The following CADPS variants were observed in gnomAD, a reference collection of about 807,000 sequenced individuals.
CADPS encodes the protein calcium-dependent secretion activator 1.
In CADPS, 57 loss-of-function variants were observed where a neutral mutation model predicts 167.3. The ratio of observed to expected loss-of-function variants is 0.34; its 90% confidence interval spans 0.28 to 0.42. The LOEUF is 0.42. CADPS is among the 20% of genes least tolerant of loss of function. The pLI, the probability that CADPS is intolerant of heterozygous loss-of-function variation, is 1.00. For missense variants in CADPS, 1,414 were observed against 1,738.1 expected (o/e 0.81, Z 3.32); for synonymous variants, 676 against 635.3 (o/e 1.06, Z -0.96).
At chr3:62,660,971 C>T (rs575052189) in intron 4 of CADPS, among the ~76,000 whole-genome samples, 1 of 152,288 alleles carries the variant, frequency 6.6e-6, no homozygotes, top group South Asian at 2.1e-4. Flanking sequence ...ACCTGGACTT[C>T]CCCATCTCTA....
chr3:62,853,298 C>T (rs572741826), intron 1 of CADPS, among the ~76,000 whole-genome samples: 1 of 152,172 alleles, frequency 6.6e-6, no homozygotes, highest in East Asian at 1.9e-4. Context: ...GTCTTTATGG[C>T]CTATGGTCAA....
At chr3:62,868,839 A>G (rs985464173) in intron 1 of CADPS, among the ~76,000 whole-genome samples, 4 of 152,152 alleles carry the variant, frequency 2.6e-5, no homozygotes, top group Non-Finnish European at 4.4e-5. Context: ...AGAAAGAACT[A>G]TCAACTCCTA....
At chr3:62,524,873 C>T (rs1442077035) in intron 13 of CADPS, among the ~76,000 whole-genome samples, 1 of 152,122 alleles carries the variant, frequency 6.6e-6, no homozygotes, top group Non-Finnish European at 1.5e-5. Flanking sequence ...AAAATTGGCA[C>T]TGCATAGATT....
At chr3:62,486,360 G>A (rs372555284) in intron 21 of CADPS, among the ~76,000 whole-genome samples, 4 of 147,916 alleles carry the variant, frequency 2.7e-5, no homozygotes, top group East Asian at 2.0e-4. Flanking sequence ...CAGGAGAATC[G>A]CTTGAACCCA....
chr3:62,806,361 TAAAAAAAA>T (rs11328861), intron 1 of CADPS, among the ~76,000 whole-genome samples: 1 of 138,030 alleles, frequency 7.2e-6, no homozygotes, highest in Non-Finnish European at 1.5e-5. Context: ...CGTCTTTAGT[TAAAAAAAA>T]AAAAAAAAAA....
chr3:62,744,987 A>G (rs552807), intron 3 of CADPS, among the ~76,000 whole-genome samples: 73,845 of 152,152 alleles, frequency 0.49, 19,655 homozygotes, highest in African/African-American at 0.7. Context: ...TCAGAAAATT[A>G]TGGCTCTGGG....
rs576459840 is a variant in CADPS at position 62,630,197 on chromosome 3, A to G, written c.1325+15525T>C. Among the ~76,000 whole-genome samples the G allele has an allele frequency of 4.6e-5, 7 of 152,182 alleles. 1 individual carries two copies. Among genetic ancestry groups the G allele is most frequent in the Non-Finnish European group, 1.0e-4 (7 of 68,030 alleles). On this transcript the variant is annotated intron_variant, in intron 6 of 29. Transcript: ENST00000383710. Reference sequence around the variant, plus strand: ...GTAAGCATGTATTGAATGAATAAGGAAACAGGTAACAGGCTAAATCAGAAT... The same window carrying G: ...GTAAGCATGTATTGAATGAATAAGGGAACAGGTAACAGGCTAAATCAGAAT...
intron 1 of CADPS, among the ~76,000 whole-genome samples, chr3:62,832,498 C>A (rs7640156): frequency 6.6e-6 from 1 of 152,076 alleles, no homozygotes; most frequent in African/African-American, 2.4e-5. Flanking sequence ...CAGCATAAAA[C>A]GTGACCAGGA....
intron 17 of CADPS, among the ~76,000 whole-genome samples, chr3:62,504,661 A>AT (rs924976137): frequency 3.2e-4 from 48 of 151,606 alleles, no homozygotes; most frequent in Middle Eastern, 3.4e-3. Context: ...CAAGCTCCCT[A>AT]TTTTTTTTTC....
At chr3:62,762,886 G>A (rs1289149219) in intron 2 of CADPS, among the ~76,000 whole-genome samples, 2 of 152,052 alleles carry the variant, frequency 1.3e-5, no homozygotes, top group Admixed American at 6.5e-5. Flanking sequence ...TGAGATTATT[G>A]CTGTTACACT....
intron 1 of CADPS, among the ~76,000 whole-genome samples, chr3:62,824,064 AC>A (rs1245282725): frequency 2.4e-4 from 37 of 152,216 alleles, no homozygotes; most frequent in African/African-American, 6.5e-4. Context: ...GGACAAAAAA[AC>A]AAATTCAAAT....
intron 1 of CADPS, among the ~76,000 whole-genome samples, chr3:62,849,183 C>A (rs2078056602): frequency 1.3e-5 from 2 of 150,524 alleles, no homozygotes; most frequent in South Asian, 4.3e-4. Flanking sequence ...TGGGCTGAGA[C>A]AATGGGGTTT....
chr3:62,718,033 T>C (rs1463729687), intron 3 of CADPS, among the ~76,000 whole-genome samples: 1 of 61,434 alleles, frequency 1.6e-5, no homozygotes, highest in Non-Finnish European at 4.5e-5. Context: ...CTTAGAGTAA[T>C]TTTTTTTTTC....
rs999175689 is a variant in CADPS at position 62,874,872 on chromosome 3, GCGC to G, written c.155_157del (p.Gly52del). On this transcript the variant is annotated inframe_deletion, in exon 1 of 30. Coordinates refer to ENST00000383710, the MANE Select transcript of CADPS (RefSeq NM_003716.4). The surrounding 1 kb of genome is among the most constrained non-coding windows in gnomAD (Gnocchi z 7.1). ...TGCACCCACCCCGGCTCCGGCGCCG[GCGC>G]CGCCGCCCCCCAGCCCGGCGCTGCC... 5.2e-6 allele frequency: 6 copies of G among 1,145,652 alleles called. No homozygotes were observed. The African/African-American group carries it at 9.9e-5, about 19-fold the overall frequency. The allele number at this position is 1,145,652 out of a possible 1,614,324, so 71.0% of individuals were successfully genotyped here.
At chr3:62,689,444 A>G (rs567963523) in intron 3 of CADPS, among the ~76,000 whole-genome samples, 1 of 152,212 alleles carries the variant, frequency 6.6e-6, no homozygotes, top group Non-Finnish European at 1.5e-5. Flanking sequence ...GTGTGCAAGG[A>G]GAAGCAAACT....
In CADPS at chr3:62,696,112, C is replaced by T. The variant is rs114492570; in HGVS notation, c.889-33718G>A. Among the ~76,000 whole-genome samples, 1,103 of 152,136 alleles carry T rather than the reference C, an allele frequency of 7.3e-3. 28 individuals are homozygous for T. The highest frequency in any genetic ancestry group is 0.025 in the African/African-American group (1,029 of 41,502). On this transcript the variant is annotated intron_variant, in intron 3 of 29. Coordinates refer to ENST00000383710, the MANE Select transcript of CADPS (RefSeq NM_003716.4). ...GATGCCCAGTAGTCAAAGAGGTGAC[C>T]TGGGCCACTAATTAAGTTACTCTCC...
chr3:62,723,756 G>C (rs527889754), intron 3 of CADPS, among the ~76,000 whole-genome samples: 1 of 152,328 alleles, frequency 6.6e-6, no homozygotes, highest in South Asian at 2.1e-4. Context: ...CTTAAAATGC[G>C]AGAAGCCTGC....
intron 11 of CADPS, among the ~76,000 whole-genome samples, chr3:62,546,952 G>A (rs905624970): frequency 1.4e-4 from 21 of 152,044 alleles, no homozygotes; most frequent in Admixed American, 8.5e-4. Flanking sequence ...TGGTTGCTGT[G>A]CATAACTACC....
chr3:62,771,715 G>A (rs1358813752), intron 1 of CADPS, among the ~76,000 whole-genome samples: 2 of 152,138 alleles, frequency 1.3e-5, no homozygotes, highest in African/African-American at 4.8e-5. Flanking sequence ...TGAAAAGATG[G>A]AAGGTGATTA....
Sources: gnomAD v4.1 joint callset for allele counts (sites outside exome capture counted in the v4.1 genomes callset) on GRCh38, gnomAD v4.1.1 for gene constraint, Gnocchi (gnomAD v3.1) non-coding constraint, MANE v1.5 for transcripts, NCBI Gene and HGNC (gene_info 2026-07-23, HGNC 2026-07-21) for gene names.